The following PTPRN2 variants were observed in gnomAD, a reference collection of about 807,000 sequenced individuals.
PTPRN2 encodes protein tyrosine phosphatase receptor type N2, also known as receptor-type tyrosine-protein phosphatase N2.
PTPRN2 carries 74 observed loss-of-function variants against 118.8 expected under a neutral mutation model. The ratio of observed to expected loss-of-function variants is 0.62; its 90% CI spans 0.52 to 0.76. The LOEUF (loss-of-function observed/expected upper bound fraction) is 0.76, where lower values mean the gene tolerates loss of function less well. PTPRN2 is among the 30% of genes least tolerant of loss of function. PTPRN2 has a pLI of 0.00. For missense variants in PTPRN2, 1,481 were observed against 1,394.4 expected (o/e 1.06, Z -0.99); for synonymous variants, 641 against 608.0 (o/e 1.05, Z -0.80).
chr7:158,587,763 C>A lies in PTPRN2; in HGVS notation c.-94G>T. On this transcript the variant is annotated 5_prime_UTR_variant, in exon 1 of 23. Transcript: ENST00000389418. The stretch of plus-strand genomic sequence containing the variant: ...GGCCCAGGGAGGCGCGCGCCGCCGG[C>A]TCCTCCCGCCGCGCCTCTCGCGCTC... 1.9e-6 allele frequency: 2 copies of A among 1,036,304 alleles called. No individual in the cohort carries two copies. Among genetic ancestry groups the A allele is most frequent in the Non-Finnish European group, 2.3e-6 (2 of 864,320 alleles). 64.2% of individuals were successfully genotyped at this position (1,036,304 alleles called of 1,614,324 possible). A position where few individuals can be genotyped will look rare whatever the true frequency, so the allele number is the denominator to read the frequency against.
At chr7:158,541,409 T>TTA (rs10623822) in intron 1 of PTPRN2, 315,280 of 1,338,656 alleles carry the variant, frequency 0.24, 38,657 homozygotes, top group Admixed American at 0.35. Flanking sequence ...AAAGCAAGCA[T>TTA]TATTCCACCC....
chr7:157,887,025 G>C (rs1035899319), intron 12 of PTPRN2, among the ~76,000 whole-genome samples: 1 of 151,986 alleles, frequency 6.6e-6, no homozygotes, highest in African/African-American at 2.4e-5. Flanking sequence ...AGCCCACAGC[G>C]GGCCTGTCCT....
Position 158,419,069 on chromosome 7 carries a change from C to G in PTPRN2, c.163+70666G>C, listed in dbSNP as rs1047355169. Reference sequence around the variant, plus strand: ...TCCTTCACCATGCAATGAGGTACAACCTGGTATTGGTTTTGTGCTTGACTC... The same window carrying G: ...TCCTTCACCATGCAATGAGGTACAAGCTGGTATTGGTTTTGTGCTTGACTC... On this transcript the variant is annotated intron_variant, in intron 2 of 22. Transcript: ENST00000389418. Among the ~76,000 whole-genome samples the G allele has an allele frequency of 3.3e-5, 5 of 152,354 alleles. No homozygotes were observed. In the East Asian group the frequency reaches 5.8e-4, roughly 18 times the overall value.
At chr7:158,421,755 C>T (rs1815274563) in intron 2 of PTPRN2, among the ~76,000 whole-genome samples, 1 of 152,174 alleles carries the variant, frequency 6.6e-6, no homozygotes, top group South Asian at 2.1e-4. Flanking sequence ...CTTTGGGAGC[C>T]ATATGCTCTG....
At chr7:158,413,173 T>C (rs1322544894) in intron 2 of PTPRN2, among the ~76,000 whole-genome samples, 2 of 152,200 alleles carry the variant, frequency 1.3e-5, no homozygotes, top group Admixed American at 1.3e-4. Flanking sequence ...CTCTCGCCAC[T>C]GAGCAGACTT....
chr7:158,231,884 G>A (rs1163492923), intron 3 of PTPRN2, among the ~76,000 whole-genome samples: 1 of 152,106 alleles, frequency 6.6e-6, no homozygotes, highest in African/African-American at 2.4e-5. Context: ...AGTCAATGAA[G>A]AAGTTAAGAA....
intron 12 of PTPRN2, among the ~76,000 whole-genome samples, chr7:157,877,929 T>C (rs976389927): frequency 3.3e-5 from 5 of 152,192 alleles, no homozygotes; most frequent in Admixed American, 3.3e-4. Context: ...AAAATGTGTG[T>C]GAATATAAAC....
chr7:158,322,854 G>A (rs775877547), intron 2 of PTPRN2, among the ~76,000 whole-genome samples: 1 of 152,232 alleles, frequency 6.6e-6, no homozygotes, highest in Non-Finnish European at 1.5e-5. Flanking sequence ...CCCTGGCAAG[G>A]GCTGGAGATT....
chr7:157,943,878 A>G (rs895929901), intron 11 of PTPRN2, among the ~76,000 whole-genome samples: 1 of 152,166 alleles, frequency 6.6e-6, no homozygotes, highest in Non-Finnish European at 1.5e-5. Context: ...GGTCAAGTTG[A>G]TCACTACACC....
chr7:157,747,179 T>G (rs374937433), intron 12 of PTPRN2, among the ~76,000 whole-genome samples: 1 of 107,382 alleles, frequency 9.3e-6, no homozygotes, highest in East Asian at 3.6e-4. Flanking sequence ...CCCTGAGCTG[T>G]GGGGTGTGCG....
intron 3 of PTPRN2, among the ~76,000 whole-genome samples, chr7:158,256,334 A>G (rs1797017184): frequency 6.6e-6 from 1 of 152,120 alleles, no homozygotes. Context: ...GCCTCTGCTG[A>G]GGGGGACAAG....
Position 157,593,365 on chromosome 7 carries a change from A to G in PTPRN2, c.2496+1873T>C, listed in dbSNP as rs188815652. ...GTCATTGAGTGTGGATGCCCTCCAG[A>G]CCCTGTGGCTTTGCTGGACAGAGAA... On this transcript the variant is annotated intron_variant, in intron 17 of 22. Transcript: ENST00000389418. Among the ~76,000 whole-genome samples, 338 of 152,320 alleles carry G rather than the reference A, an allele frequency of 2.2e-3. 2 individuals are homozygous for G. The highest frequency in any genetic ancestry group is 3.4e-3 in the Middle Eastern group (1 of 294).
At chr7:157,718,234 T>C (rs1799029001) in intron 12 of PTPRN2, among the ~76,000 whole-genome samples, 1 of 152,270 alleles carries the variant, frequency 6.6e-6, no homozygotes. Flanking sequence ...TTAGAGTTTT[T>C]GAACTATCAG....
chr7:158,132,546 ATG>A (rs1429500318), intron 9 of PTPRN2, among the ~76,000 whole-genome samples: 1 of 79,452 alleles, frequency 1.3e-5, no homozygotes, highest in Non-Finnish European at 2.8e-5. Flanking sequence ...ATACACACAC[ATG>A]CATACACAGA....
intron 3 of PTPRN2, among the ~76,000 whole-genome samples, chr7:158,311,378 C>T (rs1445536154): frequency 6.6e-6 from 1 of 152,110 alleles, no homozygotes; most frequent in African/African-American, 2.4e-5. Context: ...AATCCACAGT[C>T]GTTTTCATGA....
chr7:158,421,984 G>A (rs1395088375), intron 2 of PTPRN2, among the ~76,000 whole-genome samples: 1 of 152,200 alleles, frequency 6.6e-6, no homozygotes, highest in East Asian at 1.9e-4. Flanking sequence ...TGAAGCTAGA[G>A]ACCAAGTTAC....
At chr7:157,753,283 T>C (rs368242499) in intron 12 of PTPRN2, among the ~76,000 whole-genome samples, 1 of 152,166 alleles carries the variant, frequency 6.6e-6, no homozygotes, top group South Asian at 2.1e-4. Flanking sequence ...CCCTGGCCGA[T>C]GCCCACTGGA....
At chr7:158,164,302 A>G (rs567191235) in intron 6 of PTPRN2, among the ~76,000 whole-genome samples, 1 of 151,526 alleles carries the variant, frequency 6.6e-6, no homozygotes, top group South Asian at 2.1e-4. Flanking sequence ...AAGGGCACGC[A>G]GAGCAGGAGC....
chr7:157,749,625 G>C (rs1335292559), intron 12 of PTPRN2, among the ~76,000 whole-genome samples: 1 of 139,732 alleles, frequency 7.2e-6, no homozygotes, highest in Non-Finnish European at 1.5e-5. Flanking sequence ...TCTGCGGCCT[G>C]TGTCTCTGAG....
Sources: allele counts gnomAD v4.1 joint callset (sites outside exome capture counted in the v4.1 genomes callset), GRCh38; gene constraint gnomAD v4.1.1; transcripts MANE v1.5; gene names NCBI Gene and HGNC (gene_info 2026-07-23, HGNC 2026-07-21).